MESP1: variants seen among roughly 807,000 people sequenced by gnomAD.
MESP1 encodes mesoderm posterior protein 1.
A neutral mutation model predicts 15.2 loss-of-function variants in MESP1; 22 were observed. The ratio of observed to expected loss-of-function variants is 1.45; its 90% CI spans 1.04 to 2.07. MESP1 has a LOEUF of 2.07. Ranked by LOEUF, MESP1 falls within the 30% of genes most tolerant of loss-of-function variation. The probability of loss-of-function intolerance (pLI) is 0.00; values close to 1 mark genes in which losing one functional copy is unlikely to be tolerated. For missense variants in MESP1, 484 were observed against 411.9 expected (o/e 1.17, Z -1.51); for synonymous variants, 216 against 192.6 (o/e 1.12, Z -1.01).
the MESP1 span, among the ~76,000 whole-genome samples, chr15:89,742,322 G>T: frequency 7.9e-5 from 12 of 152,146 alleles, no homozygotes; most frequent in African/African-American, 2.2e-4. Flanking sequence ...TATGGTCATT[G>T]TCTTTCTCCC....
At chr15:89,746,975 G>GCACA (rs139505842), downstream of MESP1, among the ~76,000 whole-genome samples, 1,734 of 100,160 alleles carry the variant, frequency 0.017, 77 homozygotes, top group African/African-American at 0.066. Flanking sequence ...ACACACACGT[G>GCACA]CACACAGAGC....
Position 89,750,852 on chromosome 15 carries a change from C to A in MESP1, c.380G>T (p.Arg127Leu). The A allele has an allele frequency of 1.3e-6, 2 of 1,530,634 alleles. No individual in the cohort carries two copies. The highest frequency in any genetic ancestry group is 1.7e-6 in the Non-Finnish European group (2 of 1,143,912). 94.8% of individuals were successfully genotyped at this position (1,530,634 alleles called of 1,614,324 possible). A position where few individuals can be genotyped will look rare whatever the true frequency, so the allele number is the denominator to read the frequency against. The change falls in exon 1 of 2, where the codon CGC becomes CTC. Residue 127 changes from arginine to leucine, a missense_variant. By Grantham distance (102) the Arg-to-Leu change is moderately radical (BLOSUM62 -2). Coordinates refer to ENST00000300057, the MANE Select transcript of MESP1 (RefSeq NM_018670.4). Reference sequence around the variant, plus strand: ...GTGGCCGATATAGCGGATAGCCAGGCGCAGCGTCTCGATCTTGGTCAGGCT... The same window carrying A: ...GTGGCCGATATAGCGGATAGCCAGGAGCAGCGTCTCGATCTTGGTCAGGCT... Reference protein sequence around the residue: ...GQSLTKIETLRLAIRYIGHLS... With the variant: ...GQSLTKIETLLLAIRYIGHLS...
downstream of MESP1, among the ~76,000 whole-genome samples, chr15:89,745,709 AGCCAAGAACAC>A (rs1011722410): frequency 6.6e-6 from 1 of 152,054 alleles, no homozygotes; most frequent in Non-Finnish European, 1.5e-5. This position sits in a 1 kb window ranked among gnomAD's most constrained non-coding sequence, Gnocchi z 4.8. Context: ...GCTTGCAGTG[AGCCAAGAACAC>A]GCCACTGCCC....
Position 89,750,051 on chromosome 15 carries a change from C to A in MESP1, c.*93G>T, listed in dbSNP as rs1968051262. On this transcript the variant is annotated 3_prime_UTR_variant, in exon 2 of 2. Coordinates refer to ENST00000300057, the MANE Select transcript of MESP1 (RefSeq NM_018670.4). ...CCCCCGTCGGGATCGCCCGTGCCCTCTTCCAGGAAAGGCAGTCTGCCAAGG... is the reference window on the plus strand; with the variant it reads ...CCCCCGTCGGGATCGCCCGTGCCCTATTCCAGGAAAGGCAGTCTGCCAAGG... 1.6e-6 allele frequency: 2 copies of A among 1,287,948 alleles called. No individual in the cohort carries two copies. Among genetic ancestry groups the A allele is most frequent in the Admixed American group, 1.7e-5 (1 of 59,028 alleles). 79.8% of individuals were successfully genotyped at this position (1,287,948 alleles called of 1,614,324 possible).
At chr15:89,733,072 A>C in the MESP1 span, 1 of 1,614,046 alleles carries the variant, frequency 6.2e-7, no homozygotes. Flanking sequence ...TTCCTAAAAT[A>C]TTTCTCGGTC....
At chr15:89,745,811 A>G (rs1219699082), downstream of MESP1, among the ~76,000 whole-genome samples, 2 of 151,812 alleles carry the variant, frequency 1.3e-5, no homozygotes, top group Non-Finnish European at 2.9e-5. This position sits in a 1 kb window ranked among gnomAD's most constrained non-coding sequence, Gnocchi z 4.8. Context: ...TTGGAACTAG[A>G]GCAAGGCATA....
At chr15:89,736,026 C>G in the MESP1 span, among the ~76,000 whole-genome samples, 1 of 152,030 alleles carries the variant, frequency 6.6e-6, no homozygotes, top group Non-Finnish European at 1.5e-5. Context: ...GAGGCTGGGG[C>G]GGGAAGACAG....
At chr15:89,743,891 G>A in the MESP1 span, among the ~76,000 whole-genome samples, 1 of 152,220 alleles carries the variant, frequency 6.6e-6, no homozygotes, top group Non-Finnish European at 1.5e-5. Flanking sequence ...GGTGGCGTAA[G>A]GGCCTGAGGC....
chr15:89,740,933 C>T, the MESP1 span, among the ~76,000 whole-genome samples: 3 of 151,936 alleles, frequency 2.0e-5, no homozygotes, highest in Admixed American at 6.5e-5. Context: ...TAAGGCCAGG[C>T]GTTCGAGACC....
the MESP1 span, among the ~76,000 whole-genome samples, chr15:89,740,289 G>A: frequency 6.6e-6 from 1 of 152,060 alleles, no homozygotes; most frequent in Non-Finnish European, 1.5e-5. Flanking sequence ...ACTTAACAGG[G>A]GCGTTCAAGT....
At chr15:89,740,470 C>G in the MESP1 span, among the ~76,000 whole-genome samples, 1 of 152,106 alleles carries the variant, frequency 6.6e-6, no homozygotes, top group African/African-American at 2.4e-5. Context: ...GAATGTTCAA[C>G]TATTCTTCAC....
the MESP1 span, chr15:89,743,348 A>G: frequency 1.9e-6 from 3 of 1,614,196 alleles, no homozygotes; most frequent in Non-Finnish European, 2.5e-6. Flanking sequence ...GCCCGGCTTC[A>G]GAGGTACTCC....
At chr15:89,749,665 C>T (rs1400196783), downstream of MESP1, 1 of 157,452 alleles carries the variant, frequency 6.4e-6, no homozygotes, top group Non-Finnish European at 1.4e-5. Flanking sequence ...CTTGCCGCTG[C>T]CTTCTCACAG....
chr15:89,745,728 C>A (rs1967925401), downstream of MESP1, among the ~76,000 whole-genome samples: 1 of 152,088 alleles, frequency 6.6e-6, no homozygotes, highest in African/African-American at 2.4e-5. This position sits in a 1 kb window ranked among gnomAD's most constrained non-coding sequence, Gnocchi z 4.8. Context: ...CACGCCACTG[C>A]CCTCCAGCCT....
At chr15:89,740,562 C>T in the MESP1 span, among the ~76,000 whole-genome samples, 2,645 of 152,264 alleles carry the variant, frequency 0.017, 92 homozygotes, top group African/African-American at 0.06. Flanking sequence ...AGTGCACTGG[C>T]GCGATCTCGG....
chr15:89,732,858 T>G, the MESP1 span: 1 of 728,650 alleles, frequency 1.4e-6, no homozygotes, highest in Non-Finnish European at 2.4e-6. Context: ...GCACTAGGTT[T>G]ACTGATTTTC....
chr15:89,750,964 G>A lies in MESP1; in HGVS notation c.268C>T (p.Arg90Trp), dbSNP rs374547302. Reference sequence around the variant, plus strand: ...AGCGTGCGCATGCGCAGTTTCTCCCGCTCACTGGCGCTCTGCCTCTGCCCG... The same window carrying A: ...AGCGTGCGCATGCGCAGTTTCTCCCACTCACTGGCGCTCTGCCTCTGCCCG... ...GSGQRQSASE[R>W]EKLRMRTLAR... The change falls in exon 1 of 2, where the codon CGG becomes TGG. Residue 90 changes from arginine to tryptophan, a missense_variant. Physicochemically the swap from Arg to Trp is moderately radical, Grantham distance 101 (BLOSUM62 -3). Coordinates refer to ENST00000300057, the MANE Select transcript of MESP1 (RefSeq NM_018670.4). 2.4e-5 allele frequency: 34 copies of A among 1,437,058 alleles called. No individual in the cohort carries two copies. The East Asian group carries it at 7.2e-4, about 31-fold the overall frequency. 89.0% of individuals were successfully genotyped at this position (1,437,058 alleles called of 1,614,324 possible). A position where few individuals can be genotyped will look rare whatever the true frequency, so the allele number is the denominator to read the frequency against.
At chr15:89,737,474 G>T in the MESP1 span, 1 of 1,486,438 alleles carries the variant, frequency 6.7e-7, no homozygotes. Flanking sequence ...TTTATGTCCA[G>T]CTGCTTCTCT....
chr15:89,750,202 A>G lies in MESP1; in HGVS notation c.749T>C (p.Leu250Pro). The change falls in exon 2 of 2, where the codon CTG (leucine) becomes CCG (proline). Residue 250 changes from leucine (L) to proline (P), a missense_variant. Transcript: ENST00000300057. ...CGAGAGGGGCATCCAGGTCTCCAAC[A>G]GAGCCAGCACGTCGCCCGGAAGGAG... ...SPLLPGDVLA[L>P]LETWMPLSPL... is the part of the protein sequence containing the mutation. 1 of 1,614,088 alleles carries G rather than the reference A, an allele frequency of 6.2e-7. No individual in the cohort carries two copies. Among genetic ancestry groups the G allele is most frequent in the South Asian group, 1.1e-5 (1 of 91,088 alleles).
Sources: allele counts gnomAD v4.1 joint callset (sites outside exome capture counted in the v4.1 genomes callset), GRCh38; gene constraint gnomAD v4.1.1; non-coding constraint Gnocchi (gnomAD v3.1); transcripts MANE v1.5; gene names NCBI Gene and HGNC (gene_info 2026-07-23, HGNC 2026-07-21).